SECISBP2: variants seen among roughly 807,000 people sequenced by gnomAD.
SECISBP2 encodes the protein SECIS binding protein 2, also known as selenocysteine insertion sequence-binding protein 2.
Under a neutral mutation model 98.2 loss-of-function variants are expected in SECISBP2, and 96 were observed. The ratio of observed to expected loss-of-function variants is 0.98; its 90% confidence interval spans 0.83 to 1.16. The LOEUF is 1.16. Ranked by LOEUF, SECISBP2 falls within the 50% of genes most tolerant of loss-of-function variation. The pLI is 0.00. For synonymous variants in SECISBP2, 407 were observed against 370.2 expected, an observed-to-expected ratio of 1.10 and a Z score of -1.14; for missense variants, 1,046 against 1,022.9, an observed-to-expected ratio of 1.02 and a Z score of -0.31.
chr9:89,321,510 T>G (rs1478243988), intron 2 of SECISBP2, among the ~76,000 whole-genome samples: 1 of 151,780 alleles, frequency 6.6e-6, no homozygotes, highest in African/African-American at 2.4e-5. Context: ...ACTACAGAAA[T>G]ACAAAAATTA....
chr9:89,366,229 G>A, the SECISBP2 span, among the ~76,000 whole-genome samples: 2 of 152,364 alleles, frequency 1.3e-5, no homozygotes, highest in South Asian at 4.1e-4. Context: ...AACGTAGATA[G>A]TCATGGCCCA....
chr9:89,363,136 C>T (rs1030791779), downstream of SECISBP2, among the ~76,000 whole-genome samples: 3 of 152,158 alleles, frequency 2.0e-5, no homozygotes, highest in Non-Finnish European at 2.9e-5. Context: ...ATGGGGTGGT[C>T]GTGGGGGCCC....
In SECISBP2 at chr9:89,349,806, C is replaced by G. The variant is rs550814477; in HGVS notation, c.1769C>G (p.Thr590Ser). 130 of 1,614,228 alleles carry G rather than the reference C, an allele frequency of 8.1e-5. No individual in the cohort carries two copies. In the South Asian group the frequency reaches 1.3e-3, roughly 16 times the overall value. The change falls in exon 13 of 17, where the codon ACT becomes AGT. Residue 590 changes from threonine to serine, a missense_variant. Coordinates refer to ENST00000375807, the MANE Select transcript of SECISBP2 (RefSeq NM_024077.5). The part of the protein sequence containing the change: ...GPEGMDELIS[T>S]PSVEDKSEEP... ...GAGGGGATGGACGAACTGATCTCCA[C>G]TCCTTCGGTTGAGGACAAGTCTGAA...
chr9:89,342,335 G>C (rs1469662377), intron 10 of SECISBP2, among the ~76,000 whole-genome samples: 1 of 152,082 alleles, frequency 6.6e-6, no homozygotes, highest in Non-Finnish European at 1.5e-5. Context: ...GCTGCCGGTG[G>C]GAATGTAAAA....
intron 5 of SECISBP2, 36 bp from the exon 6 acceptor site, chr9:89,332,872 A>C: frequency 6.6e-7 from 1 of 1,522,524 alleles, no homozygotes; most frequent in Non-Finnish European, 9.1e-7. Flanking sequence ...TTTAATTTGC[A>C]TTTCTCTGAT....
At chr9:89,325,745 G>T in intron 3 of SECISBP2, 69 bp downstream of exon 3, 4 of 1,606,040 alleles carry the variant, frequency 2.5e-6, no homozygotes, top group Non-Finnish European at 3.4e-6. Flanking sequence ...TAAAGAAATG[G>T]TAAATTTGTA....
chr9:89,335,337 A>T (rs1828478103), intron 7 of SECISBP2, among the ~76,000 whole-genome samples: 1 of 151,894 alleles, frequency 6.6e-6, no homozygotes, highest in Admixed American at 6.6e-5. Flanking sequence ...TGTGCCACTG[A>T]ATAGTCTTTG....
At chr9:89,354,813 C>T in intron 14 of SECISBP2, 2 of 985,388 alleles carry the variant, frequency 2.0e-6, no homozygotes, top group Non-Finnish European at 2.4e-6. Flanking sequence ...GGGGTGGACA[C>T]CAGGCAGAGA....
intron 1 of SECISBP2, 76 bp from the exon 2 acceptor site, chr9:89,319,576 C>G: frequency 6.5e-7 from 1 of 1,540,082 alleles, no homozygotes; most frequent in Non-Finnish European, 9.0e-7. Context: ...TTAGGAACAC[C>G]TCTTGGGTCT....
chr9:89,344,803 T>C (rs901042774), intron 10 of SECISBP2, among the ~76,000 whole-genome samples: 2 of 152,228 alleles, frequency 1.3e-5, no homozygotes, highest in Non-Finnish European at 2.9e-5. Context: ...TCCCCCTTTA[T>C]GCTATTGTCA....
chr9:89,357,812 G>A (rs1229784807), intron 15 of SECISBP2, among the ~76,000 whole-genome samples, 187 bp from the exon 16 acceptor site: 1 of 152,168 alleles, frequency 6.6e-6, no homozygotes, highest in Admixed American at 6.5e-5. Flanking sequence ...ACCTCAGGCA[G>A]GCCCAAGAAG....
downstream of SECISBP2, among the ~76,000 whole-genome samples, chr9:89,359,925 G>A (rs1037168370): frequency 2.0e-5 from 3 of 152,166 alleles, no homozygotes; most frequent in Non-Finnish European, 4.4e-5. Flanking sequence ...ACTGCTTTTT[G>A]TATTGTTTTG....
chr9:89,338,269 CTTTT>C (rs1554720919), intron 7 of SECISBP2, among the ~76,000 whole-genome samples, 185 bp from the exon 8 acceptor site: 1 of 152,070 alleles, frequency 6.6e-6, no homozygotes, highest in Non-Finnish European at 1.5e-5. Context: ...TTTGAACAAA[CTTTT>C]TTTTCCTTCA....
At chr9:89,319,260 T>C (rs981606081) in intron 1 of SECISBP2, among the ~76,000 whole-genome samples, 1 of 152,210 alleles carries the variant, frequency 6.6e-6, no homozygotes, top group African/African-American at 2.4e-5. Context: ...GAAATAAACG[T>C]CTGCAGTGTG....
chr9:89,338,168 G>C (rs543902492), intron 7 of SECISBP2, among the ~76,000 whole-genome samples: 1 of 152,296 alleles, frequency 6.6e-6, no homozygotes, highest in Non-Finnish European at 1.5e-5. Flanking sequence ...GCTGGGATCA[G>C]GAAGGTCACG....
chr9:89,348,330 A>G, intron 12 of SECISBP2, 116 bp downstream of exon 12: 1 of 1,213,126 alleles, frequency 8.2e-7, no homozygotes, highest in South Asian at 1.2e-5. Flanking sequence ...TTTTGTGGTG[A>G]AAGTGGGTCA....
chr9:89,343,813 T>C (rs1830023929), intron 10 of SECISBP2, among the ~76,000 whole-genome samples: 1 of 152,234 alleles, frequency 6.6e-6, no homozygotes, highest in South Asian at 2.1e-4. Context: ...CACATGCATG[T>C]GTCTTTATAG....
chr9:89,325,299 G>A (rs1013921613), intron 2 of SECISBP2, 128 bp from the exon 3 acceptor site: 63 of 824,814 alleles, frequency 7.6e-5, no homozygotes, highest in Non-Finnish European at 1.2e-4. Context: ...TTTTAATTAG[G>A]GATTATTCCA....
At position 89,328,906 on chromosome 9, in the gene SECISBP2, C is replaced by T. The variant is rs76202187; in HGVS notation, c.801+20C>T. On this transcript the variant is annotated intron_variant, in intron 5 of 16. Coordinates refer to ENST00000375807, the MANE Select transcript of SECISBP2 (RefSeq NM_024077.5). Reference sequence around the variant, plus strand: ...TCAAAGGTGAGGTGAGGGTTTCTCTCTTTTTCTTTTTCCTTTGTACACTTT... The same window carrying T: ...TCAAAGGTGAGGTGAGGGTTTCTCTTTTTTTCTTTTTCCTTTGTACACTTT... The T allele has an allele frequency of 6.4e-7, 1 of 1,566,552 alleles. No individual in the cohort carries two copies. The highest frequency in any genetic ancestry group is 1.4e-5 in the African/African-American group (1 of 73,674).
Sources: allele counts gnomAD v4.1 joint callset (sites outside exome capture counted in the v4.1 genomes callset), GRCh38; gene constraint gnomAD v4.1.1; transcripts MANE v1.5; gene names NCBI Gene and HGNC (gene_info 2026-07-23, HGNC 2026-07-21).